The following LGR4 variants were observed in gnomAD, a reference collection of about 807,000 sequenced individuals.
LGR4 encodes leucine-rich repeat-containing G protein-coupled receptor 4.
A neutral mutation model predicts 84.8 loss-of-function variants in LGR4; 44 were observed. That is an observed-to-expected ratio of 0.52 (90% CI 0.41 to 0.67). The LOEUF (loss-of-function observed/expected upper bound fraction) is 0.67. Among genes scored for constraint, LGR4 ranks in the 30% least tolerant of loss-of-function variants. The pLI, the probability that LGR4 is intolerant of heterozygous loss-of-function variation, is 0.00. For synonymous variants in LGR4, 429 were observed against 434.3 expected (o/e 0.99, Z 0.15); for missense variants, 1,032 against 1,131.4 (o/e 0.91, Z 1.26).
intron 1 of LGR4, 50 bp downstream of exon 1, chr11:27,472,068 C>G: frequency 8.5e-7 from 1 of 1,176,158 alleles, no homozygotes; most frequent in Non-Finnish European, 1.1e-6. Flanking sequence ...GCGCCCCCCG[C>G]TGGGCCCCGT....
chr11:27,393,780 T>C (rs1318056330), intron 2 of LGR4, among the ~76,000 whole-genome samples: 2 of 152,070 alleles, frequency 1.3e-5, no homozygotes, highest in Non-Finnish European at 2.9e-5. Flanking sequence ...GAAAGACACT[T>C]TACCAGCCTT....
chr11:27,384,435 CT>C, intron 5 of LGR4, 28 bp from the exon 6 acceptor site: 1 of 1,475,326 alleles, frequency 6.8e-7, no homozygotes. Context: ...CATAAAATGA[CT>C]TTTCCATCTC....
chr11:27,423,157 T>C (rs1029146599), intron 1 of LGR4, among the ~76,000 whole-genome samples: 2 of 152,200 alleles, frequency 1.3e-5, no homozygotes, highest in Non-Finnish European at 2.9e-5. Flanking sequence ...GCCCCCAGTC[T>C]GAAAGGGGCC....
intron 7 of LGR4, among the ~76,000 whole-genome samples, chr11:27,381,711 A>AT (rs1360109452): frequency 2.6e-5 from 4 of 151,992 alleles, no homozygotes; most frequent in East Asian, 3.9e-4. Flanking sequence ...ACAATCAAAA[A>AT]AAAAAATAAA....
intron 1 of LGR4, among the ~76,000 whole-genome samples, chr11:27,424,213 A>G (rs922144661): frequency 6.6e-6 from 1 of 152,114 alleles, no homozygotes; most frequent in Non-Finnish European, 1.5e-5. Flanking sequence ...ACTTACATAC[A>G]CACACACATA....
Position 27,417,406 on chromosome 11 carries a change from A to G in LGR4, c.186-4546T>C, listed in dbSNP as rs566410365. Among the ~76,000 whole-genome samples, 6 of 152,254 alleles carry G rather than the reference A, an allele frequency of 3.9e-5. No homozygotes were observed. In the East Asian group the frequency reaches 9.6e-4, roughly 24 times the overall value. ...GTAATCAACCAGAAATTTCAGGCCAATCTCCAGTTAACGGATGTCTACAAT... is the reference window on the plus strand; with the variant it reads ...GTAATCAACCAGAAATTTCAGGCCAGTCTCCAGTTAACGGATGTCTACAAT... On this transcript the variant is annotated intron_variant, in intron 1 of 17. Coordinates refer to ENST00000379214, the MANE Select transcript of LGR4 (RefSeq NM_018490.5).
At chr11:27,445,557 C>T (rs1377864102) in intron 1 of LGR4, among the ~76,000 whole-genome samples, 1 of 152,060 alleles carries the variant, frequency 6.6e-6, no homozygotes, top group Non-Finnish European at 1.5e-5. Context: ...TGTCCCTCCT[C>T]CCCCAACGAA....
intron 4 of LGR4, among the ~76,000 whole-genome samples, chr11:27,390,408 A>T (rs1209811763): frequency 6.6e-6 from 1 of 152,158 alleles, no homozygotes; most frequent in Non-Finnish European, 1.5e-5. Flanking sequence ...TTTGTTATTT[A>T]AAATTAGACT....
At chr11:27,419,386 A>AT (rs1014074366) in intron 1 of LGR4, among the ~76,000 whole-genome samples, 1 of 151,614 alleles carries the variant, frequency 6.6e-6, no homozygotes, top group African/African-American at 2.4e-5. Flanking sequence ...GAATGGCTAA[A>AT]TTTTTTTTAA....
Position 27,384,518 on chromosome 11 carries a change from C to CAACAGCTA in LGR4, c.618-119_618-112dup. 8 of 761,078 alleles carry CAACAGCTA rather than the reference C, an allele frequency of 1.1e-5. No homozygotes were observed. The South Asian group carries it at 1.3e-4, about 12-fold the overall frequency. 47.1% of individuals were successfully genotyped at this position (761,078 alleles called of 1,614,324 possible). A position where few individuals can be genotyped will look rare whatever the true frequency, so the allele number is the denominator to read the frequency against. On this transcript the variant is annotated intron_variant, in intron 5 of 17. Transcript: ENST00000379214. Reference sequence around the variant, plus strand: ...AAAGGAATGATGTAGCTAAACATATCAACAGCTAAACAGCTAAACAGTTTT... The same window carrying CAACAGCTA: ...AAAGGAATGATGTAGCTAAACATATCAACAGCTAAACAGCTAAACAGCTAAACAGTTTT...
chr11:27,445,151 C>T (rs928074990), intron 1 of LGR4, among the ~76,000 whole-genome samples: 1 of 152,172 alleles, frequency 6.6e-6, no homozygotes, highest in Admixed American at 6.5e-5. Context: ...CTCCTCTTTG[C>T]TCCCACAGCC....
chr11:27,439,487 G>A (rs1565094075), intron 1 of LGR4, among the ~76,000 whole-genome samples: 1 of 152,126 alleles, frequency 6.6e-6, no homozygotes, highest in African/African-American at 2.4e-5. Flanking sequence ...TGGACATGTG[G>A]GGTGCTTCTA....
rs758924013 is a variant in LGR4 at position 27,385,244 on chromosome 11, G to A, written c.617+9C>T. 6.6e-7 allele frequency: 1 copy of A among 1,518,952 alleles called. No individual in the cohort carries two copies. Among genetic ancestry groups the A allele is most frequent in the Non-Finnish European group, 8.9e-7 (1 of 1,121,734 alleles). The allele number at this position is 1,518,952 out of a possible 1,614,324, so 94.1% of individuals were successfully genotyped here. On this transcript the variant is annotated intron_variant, in intron 5 of 17. Transcript: ENST00000379214. ...CAAATATATGGAATTAAAAGGGATA[G>A]ATACTTACAGAACTACCAGGCTTGA...
intron 4 of LGR4, among the ~76,000 whole-genome samples, chr11:27,387,029 C>T (rs1282126153): frequency 6.6e-6 from 1 of 152,108 alleles, no homozygotes; most frequent in Admixed American, 6.6e-5. Flanking sequence ...AACATGTGTG[C>T]ACACACACAT....
At chr11:27,442,745 C>T (rs575194253) in intron 1 of LGR4, among the ~76,000 whole-genome samples, 2 of 152,238 alleles carry the variant, frequency 1.3e-5, no homozygotes, top group South Asian at 4.2e-4. Context: ...TGGTTCTATT[C>T]TAGACAAATG....
chr11:27,420,030 C>T (rs1007032006), intron 1 of LGR4, among the ~76,000 whole-genome samples: 1 of 152,020 alleles, frequency 6.6e-6, no homozygotes, highest in Non-Finnish European at 1.5e-5. Flanking sequence ...TGTAGTTTTT[C>T]AAAACAATTG....
intron 1 of LGR4, among the ~76,000 whole-genome samples, chr11:27,461,836 A>ATTTTTTTTTTTTTTTTTTTTTTTTTT: frequency 1.3e-5 from 1 of 76,558 alleles, no homozygotes; most frequent in Non-Finnish European, 2.3e-5. Flanking sequence ...TTGAGTTAGG[A>ATTTTTTTTTTTTTTTTTTTTTTTTTT]TTTTTTTTTT....
At chr11:27,461,585 A>C (rs1033637974) in intron 1 of LGR4, among the ~76,000 whole-genome samples, 4 of 151,906 alleles carry the variant, frequency 2.6e-5, no homozygotes, top group African/African-American at 7.3e-5. Flanking sequence ...ATGCAGCCCA[A>C]CACAAATTCA....
At position 27,368,235 on chromosome 11, in the gene LGR4, T is replaced by A. The variant is rs1171003651; in HGVS notation, c.2488A>T (p.Ile830Phe). The A allele has an allele frequency of 3.7e-6, 6 of 1,614,122 alleles. No homozygotes were observed. The highest frequency in any genetic ancestry group is 5.1e-6 in the Non-Finnish European group (6 of 1,180,050). The change falls in exon 18 of 18, where the codon ATC becomes TTC. Residue 830 changes from isoleucine to phenylalanine, a missense_variant. Coordinates refer to ENST00000379214, the MANE Select transcript of LGR4 (RefSeq NM_018490.5). ...TCCAGACAACCACCTTGGCTACTGA[T>A]GGAAACTGAAACTGATCCACTTTTC... ...TKKSGSVSVSISSQGGCLEQD... is the reference protein window; with the variant it reads ...TKKSGSVSVSFSSQGGCLEQD...
Sources: allele counts gnomAD v4.1 joint callset (sites outside exome capture counted in the v4.1 genomes callset), GRCh38; gene constraint gnomAD v4.1.1; transcripts MANE v1.5; gene names NCBI Gene and HGNC (gene_info 2026-07-23, HGNC 2026-07-21).